The following EXOC1 variants were observed in gnomAD, a reference collection of about 807,000 sequenced individuals.
EXOC1 encodes the protein SEC3-like 1.
In EXOC1, 67 loss-of-function variants were observed where a neutral mutation model predicts 107.7. That is an observed-to-expected ratio of 0.62 (90% confidence interval 0.51 to 0.76). The LOEUF is 0.76. Among genes scored for constraint, EXOC1 ranks in the 30% least tolerant of loss-of-function variants. The pLI, the probability that EXOC1 is intolerant of heterozygous loss-of-function variation, is 0.00. For synonymous variants in EXOC1, 348 were observed against 353.5 expected (o/e 0.98, Z 0.17); for missense variants, 833 against 1,055.7 (o/e 0.79, Z 2.92).
intron 8 of EXOC1, 86 bp downstream of exon 8, chr4:55,872,044 T>C: frequency 2.5e-6 from 3 of 1,198,334 alleles, no homozygotes; most frequent in Non-Finnish European, 3.5e-6. Context: ...TGTTAATATG[T>C]TTAATTGGGG....
chr4:55,894,823 T>C (rs1016904304), intron 15 of EXOC1, among the ~76,000 whole-genome samples: 2 of 152,052 alleles, frequency 1.3e-5, no homozygotes, highest in Admixed American at 6.6e-5. Context: ...GGTTTCTCCA[T>C]GTTGGTCATG....
At chr4:55,879,712 C>T (rs1191714875) in intron 9 of EXOC1, among the ~76,000 whole-genome samples, 3 of 152,240 alleles carry the variant, frequency 2.0e-5, no homozygotes, top group African/African-American at 4.8e-5. Context: ...ATAGAGCTAA[C>T]GAATTCCCAC....
chr4:55,892,337 C>G (rs531457698), intron 13 of EXOC1, among the ~76,000 whole-genome samples: 1 of 152,002 alleles, frequency 6.6e-6, no homozygotes, highest in South Asian at 2.1e-4. Flanking sequence ...AAGCTGCCCC[C>G]ACTCCCACAC....
At chr4:55,881,563 C>A (rs182994864) in intron 9 of EXOC1, among the ~76,000 whole-genome samples, 1 of 151,966 alleles carries the variant, frequency 6.6e-6, no homozygotes, top group Admixed American at 6.6e-5. Context: ...AGACATGGGA[C>A]GTCAATCAGT....
At chr4:55,876,923 G>C (rs2110346458) in intron 8 of EXOC1, 1 of 985,162 alleles carries the variant, frequency 1.0e-6, no homozygotes. Context: ...AATGATGTGG[G>C]TTTTTGTACT....
chr4:55,899,484 A>G (rs1725639731), intron 16 of EXOC1, among the ~76,000 whole-genome samples: 1 of 152,136 alleles, frequency 6.6e-6, no homozygotes. Flanking sequence ...GAATTTCCAT[A>G]TACACATGGG....
Position 55,870,116 on chromosome 4 carries a change from G to A in EXOC1, c.604-562G>A, listed in dbSNP as rs529033570. On this transcript the variant is annotated intron_variant, in intron 5 of 18. Transcript: ENST00000381295. Reference sequence around the variant, plus strand: ...AAGATGATAGAAGGAGCTATCGGCCGTATGCTCTTCTACATCCTGTTACTA... The same window carrying A: ...AAGATGATAGAAGGAGCTATCGGCCATATGCTCTTCTACATCCTGTTACTA... 1.1e-4 allele frequency among the ~76,000 whole-genome samples: 17 copies of A among 152,224 alleles called. No homozygotes were observed. The South Asian group carries it at 1.2e-3, about 11-fold the overall frequency.
At chr4:55,868,077 G>T (rs915898170) in intron 4 of EXOC1, among the ~76,000 whole-genome samples, 1 of 152,116 alleles carries the variant, frequency 6.6e-6, no homozygotes, top group Non-Finnish European at 1.5e-5. Context: ...GGAAACTGTG[G>T]TGAAAGCCTG....
chr4:55,887,042 C>T (rs1723953370), intron 10 of EXOC1, among the ~76,000 whole-genome samples: 1 of 151,968 alleles, frequency 6.6e-6, no homozygotes, highest in Non-Finnish European at 1.5e-5. Flanking sequence ...GAATTTTTTC[C>T]CACAGGATTG....
At chr4:55,856,178 G>A (rs1720953533) in intron 1 of EXOC1, among the ~76,000 whole-genome samples, 1 of 152,234 alleles carries the variant, frequency 6.6e-6, no homozygotes. Flanking sequence ...CAATGAGCGT[G>A]GATATGTGGC....
At chr4:55,856,991 T>C (rs1330577553) in intron 1 of EXOC1, among the ~76,000 whole-genome samples, 1 of 151,922 alleles carries the variant, frequency 6.6e-6, no homozygotes, top group Admixed American at 6.6e-5. Context: ...CACCTTCCCT[T>C]CCAGCTCCCG....
intron 15 of EXOC1, 140 bp downstream of exon 15, chr4:55,893,920 A>G (rs1724875314): frequency 1.3e-5 from 9 of 684,916 alleles, no homozygotes; most frequent in East Asian, 1.1e-4. Context: ...CATGGCAACA[A>G]TCTACATGAA....
At chr4:55,872,094 G>A in intron 8 of EXOC1, 136 bp downstream of exon 8, 2 of 808,770 alleles carry the variant, frequency 2.5e-6, no homozygotes, top group African/African-American at 1.7e-5. Context: ...TTAAGATTTT[G>A]AAATAGGAGC....
In EXOC1 at chr4:55,902,370, C is replaced by T. The variant is rs1365431313; in HGVS notation, c.2364C>T (p.Arg788=). The T allele has an allele frequency of 8.0e-6, 12 of 1,493,904 alleles. No individual in the cohort carries two copies. Among genetic ancestry groups the T allele is most frequent in the South Asian group, 1.4e-5 (1 of 70,638 alleles). The allele number at this position is 1,493,904 out of a possible 1,614,324, so 92.5% of individuals were successfully genotyped here. ...LNHFFEGVEA[R]VAQGIREEEV... ...ATTTCTTTGAAGGTGTTGAAGCTCGCGTGGCACAGGGCATAAGGGAGGAGG... is the reference window on the plus strand; with the variant it reads ...ATTTCTTTGAAGGTGTTGAAGCTCGTGTGGCACAGGGCATAAGGGAGGAGG... The change falls in exon 18 of 19, where the codon CGC becomes CGT. Residue 788 remains arginine, a synonymous_variant. Transcript: ENST00000381295.
rs867123218 is a variant in EXOC1, at chr4:55,857,167, T to C, written c.-10-1147T>C. Among the ~76,000 whole-genome samples the C allele has an allele frequency of 2.3e-4, 30 of 127,914 alleles. 1 individual carries two copies. The highest frequency in any genetic ancestry group is 9.1e-4 in the African/African-American group (30 of 33,026). The allele number at this position is 127,914 out of a possible 152,430, so 83.9% of individuals were successfully genotyped here. A position where few individuals can be genotyped will look rare whatever the true frequency, so the allele number is the denominator to read the frequency against. On this transcript the variant is annotated intron_variant, in intron 1 of 18. Coordinates refer to ENST00000381295, the MANE Select transcript of EXOC1 (RefSeq NM_001024924.2). ...GTTTCATTACTTCATTTCCTTTTTT[T>C]CTTTTTTTTTTTTTTTTTTTTTTTT...
chr4:55,880,862 C>A lies in EXOC1; in HGVS notation c.1224+2796C>A, dbSNP rs574079211. On this transcript the variant is annotated intron_variant, in intron 9 of 18. Transcript: ENST00000381295. ...ATGTTGCGTCATCCTGTGATTTGAG[C>A]TTTTCACAGATTATGTATTTTTACC... Among the ~76,000 whole-genome samples the A allele has an allele frequency of 8.0e-4, 121 of 152,156 alleles. 1 individual carries two copies. Among genetic ancestry groups the A allele is most frequent in the African/African-American group, 2.8e-3 (117 of 41,486 alleles).
At position 55,871,236 on chromosome 4, in the gene EXOC1, A is replaced by G. The variant is rs775374223; in HGVS notation, c.964+3A>G. Reference sequence around the variant, plus strand: ...CATGAATGTAGCTCTTCGACCAGGTATGTTCATTAGAAATGACAAAAATGT... The same window carrying G: ...CATGAATGTAGCTCTTCGACCAGGTGTGTTCATTAGAAATGACAAAAATGT... On this transcript the variant is annotated splice_donor_region_variant and intron_variant, in intron 7 of 18. Transcript: ENST00000381295. 1.1e-5 allele frequency: 18 copies of G among 1,606,538 alleles called. No individual in the cohort carries two copies. Among genetic ancestry groups the G allele is most frequent in the African/African-American group, 9.4e-5 (7 of 74,672 alleles).
intron 4 of EXOC1, among the ~76,000 whole-genome samples, chr4:55,866,087 T>A (rs1248851591): frequency 2.0e-5 from 3 of 152,016 alleles, no homozygotes; most frequent in African/African-American, 4.8e-5. Context: ...TAAAAAAAAA[T>A]GTCTCTAAGT....
chr4:55,876,457 C>A, intron 8 of EXOC1: 1 of 631,392 alleles, frequency 1.6e-6, no homozygotes, highest in Non-Finnish European at 2.0e-6. Flanking sequence ...TGAATAGTCA[C>A]TCTAAGCACT....
Sources: allele counts gnomAD v4.1 joint callset (sites outside exome capture counted in the v4.1 genomes callset), GRCh38; gene constraint gnomAD v4.1.1; transcripts MANE v1.5; gene names NCBI Gene and HGNC (gene_info 2026-07-23, HGNC 2026-07-21).